Variants in NAP1L4 observed in about 807,000 individuals in gnomAD.
NAP1L4 encodes the protein nucleosome assembly protein 1-like 4.
In NAP1L4, 15 loss-of-function variants were observed where a neutral mutation model predicts 58.2. The ratio of observed to expected loss-of-function variants is 0.26; its 90% CI spans 0.17 to 0.40. NAP1L4 has a LOEUF of 0.40. NAP1L4 is among the 10% of genes least tolerant of loss of function. The probability of loss-of-function intolerance (pLI) is 1.00; values close to 1 mark genes in which losing one functional copy is unlikely to be tolerated. For missense variants in NAP1L4, 384 were observed against 451.1 expected (o/e 0.85, Z 1.35); for synonymous variants, 171 against 155.6 (o/e 1.10, Z -0.74).
rs924632282 is a variant in NAP1L4, at chr11:2,987,080, C to G, written c.-18+5174G>C. On this transcript the variant is annotated intron_variant, in intron 1 of 15. Transcript: ENST00000380542. Reference sequence around the variant, plus strand: ...TTTTAGATTAGGACATCAGAAAGGACAAAGAAATGATCTGTTCTCAGAAGG... The same window carrying G: ...TTTTAGATTAGGACATCAGAAAGGAGAAAGAAATGATCTGTTCTCAGAAGG... 2.0e-5 allele frequency among the ~76,000 whole-genome samples: 3 copies of G among 152,054 alleles called. No homozygotes were observed. The East Asian group carries it at 5.8e-4, about 29-fold the overall frequency.
At chr11:2,960,111 C>T (rs1163256264) in intron 8 of NAP1L4, 5 of 564,526 alleles carry the variant, frequency 8.9e-6, no homozygotes, top group Non-Finnish European at 1.3e-5. Context: ...AATATCTGTT[C>T]AGTTCATGAG....
chr11:2,972,884 TCACTTGAGTCTGTG>T, intron 4 of NAP1L4, among the ~76,000 whole-genome samples: 1 of 152,100 alleles, frequency 6.6e-6, no homozygotes, highest in Non-Finnish European at 1.5e-5. Context: ...GGTGGGAGGA[TCACTTGAGTCTGTG>T]AGGTCAAGGC....
In NAP1L4 at chr11:2,948,016, G is replaced by A. The variant is rs1193646341; in HGVS notation, c.*32+1211C>T. Reference sequence around the variant, plus strand: ...ATACTGAAATACGGATAGGTGGCACGCATCGAGGATTCTCTTCAAAAGAGC... The same window carrying A: ...ATACTGAAATACGGATAGGTGGCACACATCGAGGATTCTCTTCAAAAGAGC... On this transcript the variant is annotated intron_variant, in intron 15 of 15. Coordinates refer to ENST00000380542, the MANE Select transcript of NAP1L4 (RefSeq NM_005969.4). This position sits in a 1 kb window ranked among gnomAD's most constrained non-coding sequence, Gnocchi z 5.1. Among the ~76,000 whole-genome samples the A allele has an allele frequency of 1.3e-5, 2 of 151,720 alleles. No homozygotes were observed. Among genetic ancestry groups the A allele is most frequent in the African/African-American group, 2.4e-5 (1 of 41,268 alleles).
At position 2,945,837 on chromosome 11, in the gene NAP1L4, GTT is replaced by G. The variant is rs200984231; in HGVS notation, c.*33-193_*33-192del. 7.9e-5 allele frequency among the ~76,000 whole-genome samples: 12 copies of G among 151,510 alleles called. No individual in the cohort carries two copies. The Middle Eastern group carries it at 0.017, about 216-fold the overall frequency. On this transcript the variant is annotated intron_variant, in intron 15 of 15. Coordinates refer to ENST00000380542, the MANE Select transcript of NAP1L4 (RefSeq NM_005969.4). ...CCTACCACCCTGCAGTCAAAGCAGG[GTT>G]TTTTTTTGTTTTTAAAGCTATGCCT...
chr11:2,955,862 G>GT lies in NAP1L4; in HGVS notation c.893-97dup. 1 of 1,141,492 alleles carries GT rather than the reference G, an allele frequency of 8.8e-7. No individual in the cohort carries two copies. The highest frequency in any genetic ancestry group is 2.4e-5 in the East Asian group (1 of 41,290). 70.7% of individuals were successfully genotyped at this position (1,141,492 alleles called of 1,614,324 possible). On this transcript the variant is annotated intron_variant, in intron 10 of 15. Transcript: ENST00000380542. The surrounding 1 kb of genome is among the most constrained non-coding windows in gnomAD (Gnocchi z 4.2). ...AGGAAGCTGTGCTGGTAGATAAAATGTAACATTTCTCACCTCGAGGTTTAA... is the reference window on the plus strand; with the variant it reads ...AGGAAGCTGTGCTGGTAGATAAAATGTTAACATTTCTCACCTCGAGGTTTAA...
intron 1 of NAP1L4, among the ~76,000 whole-genome samples, chr11:2,987,191 AT>A (rs1365048761): frequency 4.6e-5 from 7 of 152,040 alleles, no homozygotes; most frequent in Non-Finnish European, 8.8e-5. Context: ...TCCAGATTTC[AT>A]TTCTATTGCC....
intron 7 of NAP1L4, among the ~76,000 whole-genome samples, chr11:2,968,806 G>A (rs10766501): frequency 0.69 from 104,565 of 152,054 alleles, 36,471 homozygotes; most frequent in East Asian, 0.9. Context: ...AAAAACTGAC[G>A]GCAAGTCAGT....
intron 1 of NAP1L4, chr11:2,991,394 G>C (rs987435954): frequency 1.5e-5 from 3 of 203,952 alleles, no homozygotes; most frequent in African/African-American, 6.9e-5. Flanking sequence ...CACCATCTCT[G>C]AACTGAAAGA....
intron 4 of NAP1L4, among the ~76,000 whole-genome samples, chr11:2,974,813 A>C (rs1847852770): frequency 6.6e-6 from 1 of 152,198 alleles, no homozygotes; most frequent in African/African-American, 2.4e-5. Flanking sequence ...ATACCTATGT[A>C]ACAAACCTGA....
intron 1 of NAP1L4, among the ~76,000 whole-genome samples, chr11:2,979,729 G>A (rs1228216298): frequency 1.3e-5 from 2 of 151,738 alleles, no homozygotes; most frequent in African/African-American, 2.4e-5. Context: ...CGGAGATCAT[G>A]CCACTGCACT....
At chr11:2,991,112 G>A (rs1295261483) in intron 1 of NAP1L4, 1 of 456,440 alleles carries the variant, frequency 2.2e-6, no homozygotes, top group South Asian at 1.5e-5. Context: ...ATGAAATGGC[G>A]GACCTTCCTG....
intron 10 of NAP1L4, among the ~76,000 whole-genome samples, chr11:2,957,627 C>T (rs1437591379): frequency 2.0e-5 from 3 of 152,178 alleles, no homozygotes; most frequent in South Asian, 4.1e-4. Flanking sequence ...TTCACATTTT[C>T]TCGCGATTAG....
chr11:2,986,646 GAT>G (rs1447246067), intron 1 of NAP1L4, among the ~76,000 whole-genome samples: 1 of 112,630 alleles, frequency 8.9e-6, no homozygotes, highest in Non-Finnish European at 1.8e-5. Context: ...TTTTTTTTGA[GAT>G]AGAGTTTCGC....
chr11:2,969,352 T>G (rs541405463), intron 7 of NAP1L4, among the ~76,000 whole-genome samples: 1 of 150,718 alleles, frequency 6.6e-6, no homozygotes, highest in Non-Finnish European at 1.5e-5. Flanking sequence ...AAAAATTCAC[T>G]GAGATGTGTG....
chr11:2,947,128 CATCCCAA>C (rs1332106583), intron 15 of NAP1L4, among the ~76,000 whole-genome samples: 1 of 152,210 alleles, frequency 6.6e-6, no homozygotes, highest in Non-Finnish European at 1.5e-5. Flanking sequence ...ACAGATTGAG[CATCCCAA>C]ATCCCAAATC....
chr11:2,989,143 C>T (rs558559761), intron 1 of NAP1L4: 1 of 152,220 alleles, frequency 6.6e-6, no homozygotes, highest in Non-Finnish European at 1.5e-5. Flanking sequence ...GGAGGTCCCA[C>T]AAAAATTCAG....
In NAP1L4 at chr11:2,971,784, C is replaced by T. The variant is rs564217839; in HGVS notation, c.316-250G>A. 6.6e-6 allele frequency among the ~76,000 whole-genome samples: 1 copy of T among 152,320 alleles called. No individual in the cohort carries two copies. Among genetic ancestry groups the T allele is most frequent in the East Asian group, 1.9e-4 (1 of 5,188 alleles). ...CAATGGTTCAGCTAAAGATTTTCAA[C>T]TTCCTGATGGTGCAGAAGCCATCAC... On this transcript the variant is annotated intron_variant, in intron 5 of 15. Transcript: ENST00000380542. The surrounding 1 kb of genome is among the most constrained non-coding windows in gnomAD (Gnocchi z 4.2).
At chr11:2,979,994 C>T (rs1042312427) in intron 1 of NAP1L4, among the ~76,000 whole-genome samples, 2 of 151,948 alleles carry the variant, frequency 1.3e-5, no homozygotes, top group African/African-American at 2.4e-5. Context: ...TTGTTTATTC[C>T]GTATCTTCCA....
rs1326036061 is a variant in NAP1L4 at position 2,951,052 on chromosome 11, A to G, written c.1122+207T>C. On this transcript the variant is annotated intron_variant, in intron 14 of 15. Coordinates refer to ENST00000380542, the MANE Select transcript of NAP1L4 (RefSeq NM_005969.4). This position sits in a 1 kb window ranked among gnomAD's most constrained non-coding sequence, Gnocchi z 4.0. ...AAGACACAGCTTGAGACAGCTGGAA[A>G]AGCTTCTACTGAGTATGTACACTCA... The G allele has an allele frequency of 5.7e-6, 3 of 530,470 alleles. No homozygotes were observed. Among genetic ancestry groups the G allele is most frequent in the Admixed American group, 3.4e-5 (1 of 29,786 alleles). The allele number at this position is 530,470 out of a possible 1,614,324, so 32.9% of individuals were successfully genotyped here.
Sources: allele counts gnomAD v4.1 joint callset (sites outside exome capture counted in the v4.1 genomes callset), GRCh38; gene constraint gnomAD v4.1.1; non-coding constraint Gnocchi (gnomAD v3.1); transcripts MANE v1.5; gene names NCBI Gene and HGNC (gene_info 2026-07-23, HGNC 2026-07-21).